Variants in AGFG1 observed in about 807,000 individuals in gnomAD.
The protein encoded by AGFG1 is arf-GAP domain and FG repeat-containing protein 1.
A neutral mutation model predicts 60.6 loss-of-function variants in AGFG1; 10 were observed. The ratio of observed to expected loss-of-function variants is 0.16; its 90% CI spans 0.10 to 0.28. The LOEUF (loss-of-function observed/expected upper bound fraction) is 0.28. AGFG1 is among the 10% of genes least tolerant of loss of function. AGFG1 has a pLI of 1.00. For synonymous variants in AGFG1, 247 were observed against 242.9 expected, an observed-to-expected ratio of 1.02 and a Z score of -0.16; for missense variants, 537 against 676.5, an observed-to-expected ratio of 0.79 and a Z score of 2.29.
chr2:227,505,206 TTA>T (rs1691273889), intron 2 of AGFG1, among the ~76,000 whole-genome samples: 1 of 114,944 alleles, frequency 8.7e-6, no homozygotes, highest in Non-Finnish European at 2.1e-5. Flanking sequence ...TATCTCATAC[TTA>T]TATTGTTTTT....
At chr2:227,535,312 T>C (rs1692275583) in intron 8 of AGFG1, among the ~76,000 whole-genome samples, 1 of 152,206 alleles carries the variant, frequency 6.6e-6, no homozygotes, top group Non-Finnish European at 1.5e-5. Context: ...TTACAGATTG[T>C]ACTCAGCAGA....
chr2:227,537,836 G>T (rs1692358881), intron 10 of AGFG1, among the ~76,000 whole-genome samples: 1 of 152,074 alleles, frequency 6.6e-6, no homozygotes, highest in Non-Finnish European at 1.5e-5. Context: ...GAGAGATTAG[G>T]TACTTGTAAC....
chr2:227,499,998 G>A (rs1349269174), intron 2 of AGFG1, among the ~76,000 whole-genome samples: 2 of 152,158 alleles, frequency 1.3e-5, no homozygotes, highest in East Asian at 1.9e-4. Context: ...TTGATGTTGG[G>A]TTCTTACTGC....
rs141277265 is a variant in AGFG1 at position 227,528,441 on chromosome 2, C to T, written c.695-2650C>T. Among the ~76,000 whole-genome samples, 221 of 152,230 alleles carry T rather than the reference C, an allele frequency of 1.5e-3. 2 individuals are homozygous for T. Among genetic ancestry groups the T allele is most frequent in the African/African-American group, 4.5e-3 (186 of 41,530 alleles). On this transcript the variant is annotated intron_variant, in intron 5 of 12. Transcript: ENST00000310078. ...TCCCCGTAACCCTCCAGATAAGAAG[C>T]GATTTCCCCCCTGACCAGATAAGGA...
intron 10 of AGFG1, among the ~76,000 whole-genome samples, chr2:227,539,523 G>A (rs1692417506): frequency 6.6e-6 from 1 of 151,738 alleles, no homozygotes; most frequent in Non-Finnish European, 1.5e-5. Context: ...GGGATGCCGA[G>A]GTAGGTGGGT....
At chr2:227,505,820 C>T (rs1010037437) in intron 2 of AGFG1, among the ~76,000 whole-genome samples, 1 of 152,080 alleles carries the variant, frequency 6.6e-6, no homozygotes, top group African/African-American at 2.4e-5. Context: ...CTCAGTGCAA[C>T]CTCCGCCTCC....
At chr2:227,511,112 A>G (rs1691484322) in intron 2 of AGFG1, among the ~76,000 whole-genome samples, 1 of 152,208 alleles carries the variant, frequency 6.6e-6, no homozygotes, top group African/African-American at 2.4e-5. Context: ...GCTCTCAGAT[A>G]GTCCTTGCTG....
intron 2 of AGFG1, among the ~76,000 whole-genome samples, chr2:227,510,366 G>T (rs79584374): frequency 0.072 from 10,959 of 152,130 alleles, 528 homozygotes; most frequent in Admixed American, 0.11. Context: ...TTGAATTAAG[G>T]TTCACAGAGG....
chr2:227,552,046 G>T lies in AGFG1; in HGVS notation c.1466G>T (p.Ser489Ile), dbSNP rs1358806300. 25 of 1,614,180 alleles carry T rather than the reference G, an allele frequency of 1.5e-5. No homozygotes were observed. The highest frequency in any genetic ancestry group is 2.1e-5 in the Non-Finnish European group (25 of 1,180,030). Residue 489 changes from serine (S) to isoleucine (I), a missense_variant, in exon 11 of 13, where the codon AGC becomes ATC. Ser to Ile is a moderately radical substitution (Grantham distance 142). Around this residue, in one of 4 missense-constraint regions of AGFG1, gnomAD observed 287 missense variants for 343.6 expected, o/e 0.84. Transcript: ENST00000310078. ...PYSLPTSFSG[S>I]FQQPAFPAQA... ...AGTCTTCCCACCAGCTTTAGTGGCAGCTTTCAGCAGCCTGCCTTTCCAGCC... is the reference window on the plus strand; with the variant it reads ...AGTCTTCCCACCAGCTTTAGTGGCATCTTTCAGCAGCCTGCCTTTCCAGCC...
In AGFG1 at chr2:227,491,568, CAG is replaced by C; in HGVS notation, c.190_191del (p.Arg64GlyfsTer15). On this transcript the variant is annotated frameshift_variant, in exon 2 of 13. Transcript: ENST00000310078. LOFTEE classifies it high-confidence loss of function. ...GSLRGLNPPH[R>X]VKSISMTTFT... ...TTAGGCGAGGATTAAATCCACCACACAGGGTGAAATCTATCTCCATGACAACA... is the reference window on the plus strand; with the variant it reads ...TTAGGCGAGGATTAAATCCACCACACGGTGAAATCTATCTCCATGACAACA... 2 of 1,557,780 alleles carry C rather than the reference CAG, an allele frequency of 1.3e-6. No individual in the cohort carries two copies. The highest frequency in any genetic ancestry group is 1.7e-6 in the Non-Finnish European group (2 of 1,155,046).
At chr2:227,520,086 G>C (rs773854548) in intron 3 of AGFG1, 23 bp downstream of exon 3, 2 of 1,398,694 alleles carry the variant, frequency 1.4e-6, no homozygotes, top group South Asian at 2.5e-5. Flanking sequence ...TTTGTATGTA[G>C]AATAAAGCCT....
At chr2:227,532,757 T>C (rs1341581322) in intron 6 of AGFG1, among the ~76,000 whole-genome samples, 1 of 152,112 alleles carries the variant, frequency 6.6e-6, no homozygotes, top group Non-Finnish European at 1.5e-5. Context: ...CCCAAAAATG[T>C]AGGATCAAAA....
Position 227,524,871 on chromosome 2 carries a change from C to T in AGFG1, c.650C>T (p.Ala217Val). ...IFAAPAPQST[A>V]TANFANFAHF... ...GCTGCTCCAGCTCCTCAGTCAACAG[C>T]TACAGCCAATTTTGCTAACTTTGCA... The change falls in exon 5 of 13, where the codon GCT becomes GTT. Residue 217 changes from alanine to valine, a missense_variant. Ala to Val is a moderately conservative substitution (Grantham distance 64, BLOSUM62 0). Transcript: ENST00000310078. The T allele has an allele frequency of 6.2e-7, 1 of 1,614,146 alleles. No homozygotes were observed. Among genetic ancestry groups the T allele is most frequent in the Non-Finnish European group, 8.5e-7 (1 of 1,179,996 alleles).
chr2:227,509,610 T>C (rs1224846767), intron 2 of AGFG1, among the ~76,000 whole-genome samples: 1 of 152,150 alleles, frequency 6.6e-6, no homozygotes. Flanking sequence ...AAAAAAATTA[T>C]TTTTCTCAAG....
chr2:227,546,257 G>A (rs1190273867), intron 10 of AGFG1, among the ~76,000 whole-genome samples: 1 of 152,230 alleles, frequency 6.6e-6, no homozygotes, highest in East Asian at 1.9e-4. Context: ...TGCTAGCAGT[G>A]AGCAAGGCTC....
chr2:227,474,733 C>T (rs1330792694), intron 1 of AGFG1, among the ~76,000 whole-genome samples: 2 of 152,192 alleles, frequency 1.3e-5, no homozygotes. Flanking sequence ...GAGTTGATGC[C>T]TGAGCAAAGA....
chr2:227,472,342 C>A lies in AGFG1; in HGVS notation c.-80C>A. ...CGGAGGGCGGCGGCCGCGGCCAGGG[C>A]GGCCCGTGGGACCGCGGGCCCCCGG... On this transcript the variant is annotated 5_prime_UTR_variant, in exon 1 of 13. Coordinates refer to ENST00000310078, the MANE Select transcript of AGFG1 (RefSeq NM_004504.5). 1 of 909,810 alleles carries A rather than the reference C, an allele frequency of 1.1e-6. No homozygotes were observed. The highest frequency in any genetic ancestry group is 1.3e-6 in the Non-Finnish European group (1 of 759,496). The allele number at this position is 909,810 out of a possible 1,614,324, so 56.4% of individuals were successfully genotyped here. A position where few individuals can be genotyped will look rare whatever the true frequency, so the allele number is the denominator to read the frequency against.
At position 227,554,464 on chromosome 2, in the gene AGFG1, C is replaced by T. The variant is rs1559204784; in HGVS notation, c.1658C>T (p.Thr553Ile). The change falls in exon 13 of 13, where the codon ACA becomes ATA. Residue 553 changes from threonine to isoleucine, a missense_variant. This residue lies in a region of AGFG1 where 28 missense variants were observed against 51.5 expected (regional missense o/e 0.54). Coordinates refer to ENST00000310078, the MANE Select transcript of AGFG1 (RefSeq NM_004504.5). ...GGTGCACCAACAGGACAATTTCCAA[C>T]AGGAAGCTCATCAACCAATCCTTTC... is the stretch of plus-strand genomic sequence containing the variant. ...MTGAPTGQFP[T>I]GSSSTNPFL The T allele has an allele frequency of 1.2e-6, 2 of 1,613,542 alleles. No individual in the cohort carries two copies. Among genetic ancestry groups the T allele is most frequent in the Non-Finnish European group, 1.7e-6 (2 of 1,179,748 alleles).
chr2:227,552,507 T>C (rs1692849343), intron 11 of AGFG1, among the ~76,000 whole-genome samples: 1 of 152,136 alleles, frequency 6.6e-6, no homozygotes, highest in African/African-American at 2.4e-5. Flanking sequence ...GTGTGTGAAA[T>C]AGACTACTTT....
Sources: allele counts gnomAD v4.1 joint callset (sites outside exome capture counted in the v4.1 genomes callset), GRCh38; gene constraint gnomAD v4.1.1; regional missense constraint gnomAD v4.1.1; transcripts MANE v1.5; gene names NCBI Gene and HGNC (gene_info 2026-07-23, HGNC 2026-07-21).